PAICS: variants seen among roughly 807,000 people sequenced by gnomAD.
The protein encoded by PAICS is bifunctional phosphoribosylaminoimidazole carboxylase/phosphoribosylaminoimidazole succinocarboxamide synthetase.
PAICS carries 33 observed loss-of-function variants against 53.7 expected under a neutral mutation model. The observed-to-expected ratio is 0.61, with a 90% CI of 0.47 to 0.82. The LOEUF is 0.82. Among genes scored for constraint, PAICS ranks in the 40% least tolerant of loss-of-function variants. The pLI is 0.00. For missense variants in PAICS, 394 were observed against 494.1 expected (o/e 0.80, Z 1.92); for synonymous variants, 141 against 167.2 (o/e 0.84, Z 1.21).
the PAICS span, among the ~76,000 whole-genome samples, chr4:56,411,984 C>T: frequency 7.7e-4 from 117 of 152,254 alleles, 5 homozygotes; most frequent in South Asian, 0.024. Flanking sequence ...CAGTTATTAC[C>T]ATATTAAACA....
chr4:56,437,146 AGTC>A (rs1296302058), intron 1 of PAICS, among the ~76,000 whole-genome samples: 1 of 148,836 alleles, frequency 6.7e-6, no homozygotes, highest in East Asian at 2.0e-4. Flanking sequence ...GTGTTTAAGT[AGTC>A]TTTGATGTCA....
At chr4:56,459,232 G>A in intron 8 of PAICS, 140 bp from the exon 9 acceptor site, 2 of 507,702 alleles carry the variant, frequency 3.9e-6, no homozygotes, top group East Asian at 6.1e-5. Flanking sequence ...CAGTTGTACA[G>A]ATTCTACTTT....
chr4:56,423,053 C>T, the PAICS span: 1 of 152,120 alleles, frequency 6.6e-6, no homozygotes, highest in African/African-American at 2.4e-5. Flanking sequence ...TGCTTGCTAC[C>T]TGATAGTTTG....
At chr4:56,437,972 T>G (rs1718108396) in intron 1 of PAICS, among the ~76,000 whole-genome samples, 3 of 152,090 alleles carry the variant, frequency 2.0e-5, no homozygotes, top group Admixed American at 2.0e-4. Flanking sequence ...TCTAAAATCT[T>G]TGCTCTTCCA....
chr4:56,459,892 CAT>C lies in PAICS; in HGVS notation c.*355_*356del. 1 of 153,720 alleles carries C rather than the reference CAT, an allele frequency of 6.5e-6. No individual in the cohort carries two copies. Among genetic ancestry groups the C allele is most frequent in the Non-Finnish European group, 1.4e-5 (1 of 73,168 alleles). The allele number at this position is 153,720 out of a possible 1,614,324, so 9.5% of individuals were successfully genotyped here. ...TCCCAGCTATATTTCTCCAGACTTG[CAT>C]TTTTTTTTTTTTTTTTGAGACAGGG... On this transcript the variant is annotated 3_prime_UTR_variant, in exon 9 of 9. Coordinates refer to ENST00000512576, the MANE Select transcript of PAICS (RefSeq NM_001079524.2).
At chr4:56,443,400 C>CT (rs1718433386) in intron 2 of PAICS, among the ~76,000 whole-genome samples, 1 of 152,026 alleles carries the variant, frequency 6.6e-6, no homozygotes, top group African/African-American at 2.4e-5. Flanking sequence ...ATTGGCCAGG[C>CT]TGGTTTCGAA....
the PAICS span, among the ~76,000 whole-genome samples, chr4:56,429,836 ATAGAT>A: frequency 4.6e-5 from 7 of 152,308 alleles, no homozygotes; most frequent in African/African-American, 7.2e-5. Flanking sequence ...TTCTATCACC[ATAGAT>A]TAGTTTGGGA....
chr4:56,450,751 G>T, intron 6 of PAICS, 49 bp downstream of exon 6: 3 of 910,252 alleles, frequency 3.3e-6, no homozygotes, highest in Non-Finnish European at 5.2e-6. Context: ...TTTCTTCTAA[G>T]AAAATCTTGT....
chr4:56,432,554 G>A (rs968583886), upstream of PAICS, among the ~76,000 whole-genome samples: 6 of 148,694 alleles, frequency 4.0e-5, no homozygotes, highest in African/African-American at 1.5e-4. Context: ...GGGAGGCCAA[G>A]GCGGGCAGAT....
chr4:56,436,463 T>C, intron 1 of PAICS, 135 bp downstream of exon 1: 3 of 779,384 alleles, frequency 3.8e-6, no homozygotes, highest in Admixed American at 4.0e-5. Context: ...GGCGCACACG[T>C]GGCCCAGGCG....
intron 2 of PAICS, 133 bp downstream of exon 2, chr4:56,441,993 C>A: frequency 1.6e-6 from 1 of 631,100 alleles, no homozygotes; most frequent in Non-Finnish European, 2.8e-6. Context: ...TAAATCAAAC[C>A]AAGAACCCTT....
At chr4:56,440,282 A>G (rs1345423218) in intron 1 of PAICS, among the ~76,000 whole-genome samples, 1 of 152,208 alleles carries the variant, frequency 6.6e-6, no homozygotes, top group Non-Finnish European at 1.5e-5. Context: ...CCAGGGCTGT[A>G]TCTTAAAGGG....
At chr4:56,450,780 G>A (rs1271679870) in intron 6 of PAICS, 78 bp downstream of exon 6, 14 of 753,074 alleles carry the variant, frequency 1.9e-5, no homozygotes, top group Non-Finnish European at 4.6e-6. Context: ...AAAAAAAAAT[G>A]GGAGAGTATA....
At chr4:56,440,741 A>G (rs1490853632) in intron 1 of PAICS, among the ~76,000 whole-genome samples, 1 of 152,170 alleles carries the variant, frequency 6.6e-6, no homozygotes, top group Non-Finnish European at 1.5e-5. Flanking sequence ...TGTCTTATTT[A>G]ATATCAGCTC....
In PAICS at chr4:56,462,707, T is replaced by G. The variant is rs565407943; in HGVS notation, c.*3169T>G. ...GAATGGAATTCATTCACCATGAGAA[T>G]TACCTGGAATTCTCTGGGCATGGTA... On this transcript the variant is annotated 3_prime_UTR_variant, in exon 9 of 9. Coordinates refer to ENST00000512576, the MANE Select transcript of PAICS (RefSeq NM_001079524.2). The G allele has an allele frequency of 2.6e-5, 4 of 152,290 alleles. No individual in the cohort carries two copies. In the East Asian group the frequency reaches 7.7e-4, roughly 29 times the overall value. 9.4% of individuals were successfully genotyped at this position (152,290 alleles called of 1,614,324 possible). A position where few individuals can be genotyped will look rare whatever the true frequency, so the allele number is the denominator to read the frequency against.
At chr4:56,430,473 C>T in the PAICS span, among the ~76,000 whole-genome samples, 1 of 151,990 alleles carries the variant, frequency 6.6e-6, no homozygotes, top group Admixed American at 6.6e-5. Flanking sequence ...TAAAGTATTC[C>T]CAGTGTCTAC....
intron 2 of PAICS, among the ~76,000 whole-genome samples, chr4:56,443,250 C>T (rs781436672): frequency 2.0e-5 from 3 of 152,284 alleles, no homozygotes; most frequent in East Asian, 1.9e-4. Flanking sequence ...GGCACAATCT[C>T]GGATTACTGC....
intron 1 of PAICS, chr4:56,436,709 T>TA (rs1265956273): frequency 2.2e-6 from 1 of 446,230 alleles, no homozygotes; most frequent in Admixed American, 2.6e-5. Flanking sequence ...AAGACCTGTC[T>TA]AGAGGCCGGG....
chr4:56,437,537 T>C, intron 1 of PAICS, among the ~76,000 whole-genome samples: 1 of 151,850 alleles, frequency 6.6e-6, no homozygotes, highest in Non-Finnish European at 1.5e-5. Flanking sequence ...AGCTGTAGAC[T>C]CAGGCCGGGC....
Sources: allele counts gnomAD v4.1 joint callset (sites outside exome capture counted in the v4.1 genomes callset), GRCh38; gene constraint gnomAD v4.1.1; transcripts MANE v1.5; gene names NCBI Gene and HGNC (gene_info 2026-07-23, HGNC 2026-07-21).